Variants in LRRC4C observed in about 807,000 individuals in gnomAD.
The protein encoded by LRRC4C is leucine-rich repeat-containing protein 4C.
LRRC4C carries 5 observed loss-of-function variants against 33.6 expected under a neutral mutation model. The ratio of observed to expected loss-of-function variants is 0.15; its 90% CI spans 0.08 to 0.31. The LOEUF is 0.31. Among genes scored for constraint, LRRC4C ranks in the 10% least tolerant of loss-of-function variants. The pLI is 1.00. For synonymous variants in LRRC4C, 329 were observed against 302.0 expected, an observed-to-expected ratio of 1.09 and a Z score of -0.93; for missense variants, 560 against 796.7, an observed-to-expected ratio of 0.70 and a Z score of 3.58.
At chr11:40,162,222 G>A (rs945659013) in intron 5 of LRRC4C, among the ~76,000 whole-genome samples, 1 of 151,678 alleles carries the variant, frequency 6.6e-6, no homozygotes, top group Admixed American at 6.6e-5. Context: ...TGCCAGCTTT[G>A]TTGTCTCTCC....
intron 2 of LRRC4C, among the ~76,000 whole-genome samples, chr11:40,789,137 G>T: frequency 6.7e-6 from 1 of 148,392 alleles, no homozygotes; most frequent in East Asian, 2.0e-4. Context: ...AAACTTATGT[G>T]TTAGTGGGCT....
chr11:40,919,035 C>T (rs1027842587), intron 2 of LRRC4C, among the ~76,000 whole-genome samples: 9 of 152,128 alleles, frequency 5.9e-5, no homozygotes, highest in African/African-American at 2.2e-4. Flanking sequence ...GCTGCATTTG[C>T]TTTAGGATAT....
intron 2 of LRRC4C, among the ~76,000 whole-genome samples, chr11:40,675,526 CT>C (rs1944355688): frequency 6.6e-6 from 1 of 152,018 alleles, no homozygotes; most frequent in Admixed American, 6.6e-5. Context: ...GCTAGTTTCC[CT>C]TTTTGTAATC....
intron 3 of LRRC4C, among the ~76,000 whole-genome samples, chr11:40,508,741 T>C (rs977362930): frequency 1.3e-5 from 2 of 152,200 alleles, no homozygotes; most frequent in Non-Finnish European, 2.9e-5. Flanking sequence ...TTGGTTCCAC[T>C]GTCTTTCAAG....
intron 1 of LRRC4C, among the ~76,000 whole-genome samples, chr11:40,991,242 C>T (rs537222976): frequency 1.8e-4 from 26 of 142,582 alleles, no homozygotes; most frequent in Admixed American, 1.4e-4. Context: ...TAATGAGTGA[C>T]AGCATTAATA....
chr11:41,196,745 C>A (rs1373168586), intron 1 of LRRC4C, among the ~76,000 whole-genome samples: 1 of 151,926 alleles, frequency 6.6e-6, no homozygotes, highest in African/African-American at 2.4e-5. Context: ...ACCCATCCTG[C>A]TTATGTGGGA....
At chr11:40,980,447 G>A (rs983151653) in intron 1 of LRRC4C, among the ~76,000 whole-genome samples, 2 of 152,126 alleles carry the variant, frequency 1.3e-5, no homozygotes, top group African/African-American at 2.4e-5. Flanking sequence ...CGTATTAATT[G>A]GGCATGCTGG....
chr11:41,177,750 T>C (rs978297423), intron 1 of LRRC4C, among the ~76,000 whole-genome samples: 1 of 152,170 alleles, frequency 6.6e-6, no homozygotes, highest in Non-Finnish European at 1.5e-5. Context: ...TATATAGTCA[T>C]TTTTCTCCAG....
intron 2 of LRRC4C, among the ~76,000 whole-genome samples, chr11:40,688,689 T>A (rs913039727): frequency 5.3e-5 from 8 of 152,066 alleles, no homozygotes; most frequent in Non-Finnish European, 1.2e-4. Flanking sequence ...TGTGGAAAAC[T>A]TTTTACAAGA....
chr11:41,448,122 G>GTTTTTTTTTTTTT lies in LRRC4C; in HGVS notation c.-496+11296_-496+11308dup, dbSNP rs71063918. Among the ~76,000 whole-genome samples, 31 of 46,892 alleles carry GTTTTTTTTTTTTT rather than the reference G, an allele frequency of 6.6e-4. 6 individuals are homozygous for GTTTTTTTTTTTTT. Among genetic ancestry groups the GTTTTTTTTTTTTT allele is most frequent in the Non-Finnish European group, 5.7e-4 (13 of 22,910 alleles). 30.8% of individuals were successfully genotyped at this position (46,892 alleles called of 152,430 possible). A position where few individuals can be genotyped will look rare whatever the true frequency, so the allele number is the denominator to read the frequency against. On this transcript the variant is annotated intron_variant, in intron 1 of 6. Coordinates refer to ENST00000528697, the MANE Select transcript of LRRC4C (RefSeq NM_001258419.2). ...ACAAACGAGGCTGCTGCACACGTCT[G>GTTTTTTTTTTTTT]TTTTTTTTTTTTTTTTTTTTGGAGC...
chr11:41,216,156 C>T (rs1169805178), intron 1 of LRRC4C, among the ~76,000 whole-genome samples: 1 of 152,174 alleles, frequency 6.6e-6, no homozygotes, highest in East Asian at 1.9e-4. Flanking sequence ...GTCCTTGCAA[C>T]TGTTGCAACT....
chr11:40,969,380 C>G (rs1851566143), intron 1 of LRRC4C, among the ~76,000 whole-genome samples: 1 of 147,376 alleles, frequency 6.8e-6, no homozygotes, highest in Non-Finnish European at 1.5e-5. Context: ...TATAATATTA[C>G]ATAAAATTTA....
At chr11:41,366,414 C>T (rs536564220) in intron 1 of LRRC4C, among the ~76,000 whole-genome samples, 3 of 152,076 alleles carry the variant, frequency 2.0e-5, no homozygotes, top group Non-Finnish European at 2.9e-5. Context: ...GCAAAGACAA[C>T]ATTTTTTTGA....
intron 3 of LRRC4C, among the ~76,000 whole-genome samples, chr11:40,532,945 G>C (rs147653730): frequency 4.6e-5 from 7 of 152,192 alleles, no homozygotes; most frequent in South Asian, 2.1e-4. Context: ...AAAACTAAAT[G>C]CAGGAGGAAC....
chr11:41,235,775 T>G (rs1947994802), intron 1 of LRRC4C, among the ~76,000 whole-genome samples: 1 of 152,156 alleles, frequency 6.6e-6, no homozygotes, highest in Admixed American at 6.6e-5. Context: ...CTCTGTCTTA[T>G]ATGGGATTTA....
chr11:41,044,475 G>C (rs75072808), intron 1 of LRRC4C, among the ~76,000 whole-genome samples: 1 of 151,976 alleles, frequency 6.6e-6, no homozygotes, highest in Non-Finnish European at 1.5e-5. Context: ...AATTGTTTTT[G>C]GATCAATATT....
At chr11:41,313,907 T>C (rs1950710850) in intron 1 of LRRC4C, among the ~76,000 whole-genome samples, 1 of 152,216 alleles carries the variant, frequency 6.6e-6, no homozygotes, top group Non-Finnish European at 1.5e-5. Context: ...CCAAAAATTG[T>C]CACAGTATCC....
chr11:41,041,522 G>T (rs1257428517), intron 1 of LRRC4C, among the ~76,000 whole-genome samples: 2 of 149,500 alleles, frequency 1.3e-5, no homozygotes, highest in South Asian at 2.1e-4. Context: ...GACTTGCATA[G>T]TACTCTAGAT....
At chr11:41,078,205 G>A (rs1203063622) in intron 1 of LRRC4C, among the ~76,000 whole-genome samples, 1 of 152,156 alleles carries the variant, frequency 6.6e-6, no homozygotes, top group Non-Finnish European at 1.5e-5. Flanking sequence ...CCTTTCTTCT[G>A]AGGCCTCCAA....
Sources: gnomAD v4.1 joint callset for allele counts (sites outside exome capture counted in the v4.1 genomes callset) on GRCh38, gnomAD v4.1.1 for gene constraint, MANE v1.5 for transcripts, NCBI Gene and HGNC (gene_info 2026-07-23, HGNC 2026-07-21) for gene names.